Variants in ANKS1B observed in about 807,000 individuals in gnomAD.
ANKS1B encodes the protein ankyrin repeat and sterile alpha motif domain containing 1B, also known as ankyrin repeat and sterile alpha motif domain-containing protein 1B.
ANKS1B carries 36 observed loss-of-function variants against 148.3 expected under a neutral mutation model. That is an observed-to-expected ratio of 0.24 (90% confidence interval 0.19 to 0.32). The LOEUF is 0.32. Ranked by LOEUF, ANKS1B falls within the 10% of genes least tolerant of loss-of-function variation. The pLI is 1.00. For missense variants in ANKS1B, 1,157 were observed against 1,542.6 expected (o/e 0.75, Z 4.19); for synonymous variants, 542 against 560.8 (o/e 0.97, Z 0.47).
At chr12:99,854,510 T>C (rs1364465080) in intron 1 of ANKS1B, among the ~76,000 whole-genome samples, 1 of 152,198 alleles carries the variant, frequency 6.6e-6, no homozygotes, top group Non-Finnish European at 1.5e-5. Flanking sequence ...CCAGCCTTTC[T>C]AGAGATCTAG....
At chr12:99,331,298 G>A (rs1159582497) in intron 12 of ANKS1B, among the ~76,000 whole-genome samples, 2 of 151,856 alleles carry the variant, frequency 1.3e-5, no homozygotes, top group Non-Finnish European at 2.9e-5. Context: ...AGATATTACT[G>A]AAAAAGTCAA....
chr12:98,959,931 G>A lies in ANKS1B; in HGVS notation c.2778+93226C>T, dbSNP rs117979717. 2.3e-3 allele frequency among the ~76,000 whole-genome samples: 353 copies of A among 152,292 alleles called. 11 individuals carry two copies. The East Asian group carries it at 0.055, about 24-fold the overall frequency. ...GGGGAGGGAAGAGTAGAAGAACTTT[G>A]TGTTGAGGTATGTGTTCCAGCTCAG... is the stretch of plus-strand genomic sequence containing the variant. On this transcript the variant is annotated intron_variant, in intron 17 of 26. Transcript: ENST00000683438.
intron 15 of ANKS1B, chr12:99,096,907 T>C (rs548442471): frequency 6.6e-6 from 1 of 152,160 alleles, no homozygotes; most frequent in Non-Finnish European, 1.5e-5. Flanking sequence ...AAATGGTGCA[T>C]TATTAAAAGG....
chr12:99,418,261 A>G lies in ANKS1B; in HGVS notation c.1576-18450T>C, dbSNP rs372490970. ...ATAGACATCTATTAAAACAACTATA[A>G]ATAAAATAATCAGGGGATACAAATT... is the stretch of plus-strand genomic sequence containing the variant. On this transcript the variant is annotated intron_variant, in intron 11 of 26. Coordinates refer to ENST00000683438, the MANE Select transcript of ANKS1B (RefSeq NM_001352186.2). Among the ~76,000 whole-genome samples, 64 of 152,358 alleles carry G rather than the reference A, an allele frequency of 4.2e-4. No homozygotes were observed. In the South Asian group the frequency reaches 0.011, roughly 27 times the overall value.
chr12:99,692,079 G>A (rs370085289), intron 8 of ANKS1B, among the ~76,000 whole-genome samples: 136 of 152,238 alleles, frequency 8.9e-4, no homozygotes, highest in African/African-American at 3.1e-3. Flanking sequence ...GTTAAAAGTG[G>A]GAAGTTTTTT....
At chr12:99,798,848 TCATTAA>T (rs1263878924) in intron 4 of ANKS1B, among the ~76,000 whole-genome samples, 2 of 152,100 alleles carry the variant, frequency 1.3e-5, no homozygotes. Context: ...ACCCTTCTTT[TCATTAA>T]CATTATTTCT....
chr12:98,858,467 C>T (rs1011353948), intron 17 of ANKS1B, among the ~76,000 whole-genome samples: 4 of 152,196 alleles, frequency 2.6e-5, no homozygotes, highest in Non-Finnish European at 5.9e-5. Context: ...CTCTGCCTCC[C>T]GAGTAGCTAG....
chr12:99,416,270 G>A (rs571079555), intron 11 of ANKS1B, among the ~76,000 whole-genome samples: 2 of 152,264 alleles, frequency 1.3e-5, no homozygotes, highest in South Asian at 2.1e-4. Context: ...GGACATCTGG[G>A]TTGTTTCCAG....
intron 17 of ANKS1B, among the ~76,000 whole-genome samples, chr12:98,974,099 T>C (rs1470360108): frequency 6.6e-6 from 1 of 152,144 alleles, no homozygotes; most frequent in Admixed American, 6.5e-5. Flanking sequence ...AATCTTTTGT[T>C]TTGCTGGTAA....
intron 14 of ANKS1B, among the ~76,000 whole-genome samples, chr12:99,198,162 A>G (rs1601608648): frequency 6.6e-6 from 1 of 152,120 alleles, no homozygotes; most frequent in South Asian, 2.1e-4. Flanking sequence ...GCCACACAGC[A>G]CTCTGCATTC....
intron 4 of ANKS1B, among the ~76,000 whole-genome samples, chr12:99,784,228 G>A (rs1437426780): frequency 4.1e-5 from 6 of 145,566 alleles, no homozygotes; most frequent in African/African-American, 1.5e-4. Context: ...CTGGAGTGCA[G>A]TGGCACGATC....
chr12:98,843,733 T>C (rs2099425525), intron 17 of ANKS1B, among the ~76,000 whole-genome samples: 2 of 152,152 alleles, frequency 1.3e-5, no homozygotes, highest in South Asian at 2.1e-4. Context: ...GTAGAGGGCA[T>C]ATTGAAGCAG....
chr12:99,871,634 T>C (rs1418738288), intron 1 of ANKS1B, among the ~76,000 whole-genome samples: 1 of 152,184 alleles, frequency 6.6e-6, no homozygotes, highest in East Asian at 1.9e-4. Flanking sequence ...ACCTCCTTGA[T>C]TAGCAGTATT....
chr12:99,278,534 G>T (rs1176886124), intron 12 of ANKS1B, among the ~76,000 whole-genome samples: 1 of 152,076 alleles, frequency 6.6e-6, no homozygotes, highest in Non-Finnish European at 1.5e-5. Flanking sequence ...ATATGCTTTT[G>T]TGTACCCTCT....
intron 20 of ANKS1B, among the ~76,000 whole-genome samples, chr12:98,803,863 T>C (rs1315957003): frequency 6.6e-6 from 1 of 152,230 alleles, no homozygotes; most frequent in Non-Finnish European, 1.5e-5. Context: ...TCCATACATT[T>C]AAAGCCAGAG....
At chr12:99,016,354 G>C (rs2099942535) in intron 17 of ANKS1B, among the ~76,000 whole-genome samples, 2 of 152,172 alleles carry the variant, frequency 1.3e-5, no homozygotes. Flanking sequence ...CAGATTTGCT[G>C]AAAGAGCCTA....
In ANKS1B at chr12:99,772,920, A is replaced by C; in HGVS notation, c.1128+2T>G. The C allele has an allele frequency of 6.2e-7, 1 of 1,609,136 alleles. No homozygotes were observed. Among genetic ancestry groups the C allele is most frequent in the Non-Finnish European group, 8.5e-7 (1 of 1,177,610 alleles). On this transcript the variant is annotated splice_donor_variant, in intron 8 of 26. Coordinates refer to ENST00000683438, the MANE Select transcript of ANKS1B (RefSeq NM_001352186.2). LOFTEE classifies it high-confidence loss of function. ...ATCTTCATTCCCCCCCGCCTTACTT[A>C]CTACACTCTGGCTTCCATTTTTCCC...
chr12:99,808,922 T>C (rs2067981312), intron 3 of ANKS1B, among the ~76,000 whole-genome samples: 1 of 152,100 alleles, frequency 6.6e-6, no homozygotes, highest in African/African-American at 2.4e-5. Flanking sequence ...AGGGAAAATA[T>C]ATCAATCATT....
chr12:98,735,151 A>G (rs1221105014), exon 10 of ANKS1B: 3 of 398,700 alleles, frequency 7.5e-6, no homozygotes, highest in South Asian at 1.3e-4. Context: ...TGGAGCTGCA[A>G]ATTTCATGGC....
Sources: gnomAD v4.1 joint callset for allele counts (sites outside exome capture counted in the v4.1 genomes callset) on GRCh38, gnomAD v4.1.1 for gene constraint, MANE v1.5 for transcripts, NCBI Gene and HGNC (gene_info 2026-07-23, HGNC 2026-07-21) for gene names.